ZNF398: variants seen among roughly 807,000 people sequenced by gnomAD.
The protein encoded by ZNF398 is zinc finger protein 398.
ZNF398 carries 18 observed loss-of-function variants against 41.9 expected under a neutral mutation model. The observed-to-expected ratio is 0.43, with a 90% CI of 0.30 to 0.64. The LOEUF (loss-of-function observed/expected upper bound fraction) is 0.64. ZNF398 is among the 30% of genes least tolerant of loss of function. The pLI, the probability that ZNF398 is intolerant of heterozygous loss-of-function variation, is 0.14. For synonymous variants in ZNF398, 260 were observed against 308.8 expected (o/e 0.84, Z 1.66); for missense variants, 669 against 822.8 (o/e 0.81, Z 2.29).
At chr7:149,155,698 TATATATATA>T (rs1466755085) in intron 2 of ZNF398, among the ~76,000 whole-genome samples, 1,920 of 33,896 alleles carry the variant, frequency 0.057, 32 homozygotes, top group African/African-American at 0.11. Flanking sequence ...TATATATATA[TATATATATA>T]TTTTTTTTTT....
chr7:149,164,174 G>A (rs1325812157), intron 2 of ZNF398, among the ~76,000 whole-genome samples: 2 of 151,380 alleles, frequency 1.3e-5, no homozygotes, highest in Non-Finnish European at 2.9e-5. Context: ...TTGGGAGGCC[G>A]AGGCGGGCAG....
At chr7:149,131,585 C>T (rs1563152087) in intron 2 of ZNF398, among the ~76,000 whole-genome samples, 1 of 152,170 alleles carries the variant, frequency 6.6e-6, no homozygotes, top group African/African-American at 2.4e-5. Context: ...ACTCGGGAGG[C>T]TGAGGCAGGA....
At chr7:149,144,749 CG>C (rs766368930), upstream of ZNF398, among the ~76,000 whole-genome samples, 1 of 151,840 alleles carries the variant, frequency 6.6e-6, no homozygotes, top group Non-Finnish European at 1.5e-5. Context: ...CGACCACGCC[CG>C]GCTAGTTTTT....
At chr7:149,139,202 G>T (rs975882830) in intron 2 of ZNF398, among the ~76,000 whole-genome samples, 1 of 151,462 alleles carries the variant, frequency 6.6e-6, no homozygotes. Flanking sequence ...AAGCCACTGC[G>T]CCCAGCCAAT....
chr7:149,146,669 T>A (rs1826949642), upstream of ZNF398, among the ~76,000 whole-genome samples: 1 of 151,122 alleles, frequency 6.6e-6, no homozygotes, highest in African/African-American at 2.4e-5. Context: ...GCCAACATGG[T>A]GAAACCCCGT....
chr7:149,164,384 G>A (rs1795180924), intron 2 of ZNF398, among the ~76,000 whole-genome samples: 1 of 152,024 alleles, frequency 6.6e-6, no homozygotes, highest in African/African-American at 2.4e-5. Flanking sequence ...TCCAGCCTGG[G>A]TGACAGAGCA....
At chr7:149,175,264 A>G (rs1238256116) in intron 4 of ZNF398, among the ~76,000 whole-genome samples, 1 of 152,144 alleles carries the variant, frequency 6.6e-6, no homozygotes, top group African/African-American at 2.4e-5. Context: ...GTGTTTGAGA[A>G]ATAACTATAG....
intron 2 of ZNF398, among the ~76,000 whole-genome samples, chr7:149,140,135 A>G (rs1182042218): frequency 6.6e-6 from 1 of 152,222 alleles, no homozygotes; most frequent in Non-Finnish European, 1.5e-5. Context: ...GTAAAATGCT[A>G]TAATAATTAT....
At chr7:149,163,855 G>A (rs1585529913) in intron 2 of ZNF398, among the ~76,000 whole-genome samples, 2 of 152,200 alleles carry the variant, frequency 1.3e-5, no homozygotes, top group African/African-American at 4.8e-5. Context: ...GCTCACGCCT[G>A]TAATCCCAGC....
intron 4 of ZNF398, among the ~76,000 whole-genome samples, chr7:149,168,067 CA>C (rs953854307): frequency 6.6e-6 from 1 of 152,042 alleles, no homozygotes; most frequent in Admixed American, 6.6e-5. Context: ...TCCATCCAGC[CA>C]TCCGTCTATT....
intron 2 of ZNF398, 122 bp downstream of exon 2, chr7:149,154,462 G>A: frequency 8.6e-7 from 1 of 1,169,570 alleles, no homozygotes; most frequent in East Asian, 2.6e-5. Context: ...ATCTCAGTCT[G>A]AAAGAATCAT....
Position 149,179,544 on chromosome 7 carries a change from C to G in ZNF398, c.1672C>G (p.Gln558Glu). ...CCGCAAGCACCACCTAATGAAACAC[C>G]AGCGCATCCACACCGGGGAGCGGCC... ...FIRKHHLMKH[Q>E]RIHTGERPYP... Residue 558 changes from glutamine to glutamate, a missense_variant, in exon 6 of 6, where the codon CAG becomes GAG. Physicochemically the swap from Gln to Glu is conservative, Grantham distance 29. This residue lies in a region of ZNF398 where 210 missense variants were observed against 290.4 expected (regional missense o/e 0.72). Transcript: ENST00000475153. The surrounding 1 kb of genome is among the most constrained non-coding windows in gnomAD (Gnocchi z 6.1). 1 of 1,614,200 alleles carries G rather than the reference C, an allele frequency of 6.2e-7. No individual in the cohort carries two copies. The highest frequency in any genetic ancestry group is 1.3e-5 in the African/African-American group (1 of 75,042).
intron 2 of ZNF398, among the ~76,000 whole-genome samples, chr7:149,139,201 C>T (rs575667917): frequency 9.2e-5 from 14 of 151,698 alleles, no homozygotes; most frequent in African/African-American, 3.1e-4. Context: ...CAAGCCACTG[C>T]GCCCAGCCAA....
chr7:149,138,401 G>C (rs911416703), intron 2 of ZNF398, among the ~76,000 whole-genome samples: 1 of 151,946 alleles, frequency 6.6e-6, no homozygotes, highest in Non-Finnish European at 1.5e-5. Context: ...ACAACATGGC[G>C]AAATACCATC....
exon 1 of ZNF398, chr7:149,126,642 G>C (rs1826484312): frequency 4.2e-6 from 1 of 237,968 alleles, no homozygotes; most frequent in Non-Finnish European, 8.2e-6. Flanking sequence ...CCCGGACTGA[G>C]AGGCAGCGAG....
intron 2 of ZNF398, among the ~76,000 whole-genome samples, chr7:149,141,351 A>T (rs1029362232): frequency 1.3e-5 from 2 of 151,142 alleles, no homozygotes; most frequent in African/African-American, 4.9e-5. Context: ...GCTGGAATGC[A>T]ATGGCACAAT....
intron 2 of ZNF398, among the ~76,000 whole-genome samples, chr7:149,133,678 T>TATATATATATATATATATATACACAC (rs1483673161): frequency 4.5e-5 from 3 of 67,000 alleles, no homozygotes; most frequent in African/African-American, 1.8e-4. Context: ...TATATATATA[T>TATATATATATATATATATATACACAC]ACATATATAT....
intron 2 of ZNF398, among the ~76,000 whole-genome samples, chr7:149,141,804 G>A (rs1202434): frequency 6.6e-6 from 1 of 151,576 alleles, no homozygotes; most frequent in Non-Finnish European, 1.5e-5. Context: ...GGCCAGGCTG[G>A]TCTTGAACTC....
chr7:149,173,377 G>T (rs1383102094), intron 4 of ZNF398, among the ~76,000 whole-genome samples: 1 of 152,010 alleles, frequency 6.6e-6, no homozygotes, highest in African/African-American at 2.4e-5. Flanking sequence ...AAAGTTCTGG[G>T]ATTACAAGCG....
Sources: allele counts gnomAD v4.1 joint callset (sites outside exome capture counted in the v4.1 genomes callset), GRCh38; gene constraint gnomAD v4.1.1; regional missense constraint gnomAD v4.1.1; non-coding constraint Gnocchi (gnomAD v3.1); transcripts MANE v1.5; gene names NCBI Gene and HGNC (gene_info 2026-07-23, HGNC 2026-07-21).